Variants in GNB5 observed in about 807,000 individuals in gnomAD.
GNB5 encodes the protein guanine nucleotide-binding protein subunit beta-5.
A neutral mutation model predicts 55.3 loss-of-function variants in GNB5; 37 were observed. That is an observed-to-expected ratio of 0.67 (90% CI 0.51 to 0.88). The LOEUF is 0.88. GNB5 is among the 40% of genes least tolerant of loss of function. The probability of loss-of-function intolerance (pLI) is 0.00; values close to 1 mark genes in which losing one functional copy is unlikely to be tolerated. For synonymous variants in GNB5, 219 were observed against 198.5 expected (o/e 1.10, Z -0.87); for missense variants, 476 against 515.3 (o/e 0.92, Z 0.74).
At chr15:52,127,071 A>G (rs2033449513) in intron 10 of GNB5, among the ~76,000 whole-genome samples, 1 of 152,128 alleles carries the variant, frequency 6.6e-6, no homozygotes, top group South Asian at 2.1e-4. Context: ...TGCTGGGATT[A>G]CAGGCATGAA....
intron 6 of GNB5, among the ~76,000 whole-genome samples, chr15:52,145,487 A>T (rs1030336984): frequency 6.6e-6 from 1 of 150,914 alleles, no homozygotes; most frequent in African/African-American, 2.4e-5. Context: ...AAAAAAAAAA[A>T]TACAAAAATT....
In GNB5 at chr15:52,135,950, A is replaced by G. The variant is rs184652885; in HGVS notation, c.628-194T>C. On this transcript the variant is annotated intron_variant, in intron 7 of 12. Coordinates refer to ENST00000261837, the MANE Select transcript of GNB5 (RefSeq NM_016194.4). ...AAATCTCTCTCCTATACAAAGAAGG[A>G]AAGAGTGCATTTCCTACACCCTCAC... The G allele has an allele frequency of 1.4e-4, 76 of 553,564 alleles. 1 individual carries two copies. The East Asian group carries it at 2.6e-3, about 19-fold the overall frequency. 34.3% of individuals were successfully genotyped at this position (553,564 alleles called of 1,614,324 possible). A position where few individuals can be genotyped will look rare whatever the true frequency, so the allele number is the denominator to read the frequency against.
chr15:52,128,592 C>A, intron 9 of GNB5: 1 of 536,382 alleles, frequency 1.9e-6, no homozygotes. Context: ...AGCACAGACA[C>A]TGAATCAGAC....
chr15:52,138,286 G>A (rs185907474), intron 7 of GNB5: 162 of 246,536 alleles, frequency 6.6e-4, no homozygotes, highest in African/African-American at 3.6e-3. Flanking sequence ...GGAAGGCTGA[G>A]GCACTAGAAT....
intron 9 of GNB5, among the ~76,000 whole-genome samples, chr15:52,129,580 G>T (rs1423576746): frequency 6.6e-6 from 1 of 152,132 alleles, no homozygotes; most frequent in Non-Finnish European, 1.5e-5. Context: ...ATGTCAAAAT[G>T]ATTTCTAGAT....
At chr15:52,185,863 C>T (rs1428963483) in intron 1 of GNB5, among the ~76,000 whole-genome samples, 1 of 151,660 alleles carries the variant, frequency 6.6e-6, no homozygotes, top group African/African-American at 2.4e-5. Flanking sequence ...ACTGCAACCT[C>T]GTTCTCCTGG....
At chr15:52,153,471 G>C (rs192560138) in intron 4 of GNB5, among the ~76,000 whole-genome samples, 1 of 151,998 alleles carries the variant, frequency 6.6e-6, no homozygotes, top group Non-Finnish European at 1.5e-5. Context: ...TAATTTTTTG[G>C]AGGAATAGAT....
chr15:52,174,960 C>T (rs1185754595), intron 3 of GNB5, among the ~76,000 whole-genome samples: 1 of 152,088 alleles, frequency 6.6e-6, no homozygotes, highest in Non-Finnish European at 1.5e-5. Context: ...TGTGTGCCTG[C>T]TACTAGTGGG....
chr15:52,182,870 G>A (rs1348581632), intron 2 of GNB5, among the ~76,000 whole-genome samples: 1 of 152,174 alleles, frequency 6.6e-6, no homozygotes, highest in Non-Finnish European at 1.5e-5. Flanking sequence ...AGATTGTGTG[G>A]GCCGGGCGCA....
chr15:52,139,422 C>CTCCA (rs1472692252), intron 7 of GNB5, among the ~76,000 whole-genome samples: 1 of 152,166 alleles, frequency 6.6e-6, no homozygotes, highest in Non-Finnish European at 1.5e-5. Flanking sequence ...TGCCACTGTA[C>CTCCA]TCCAGCCTGG....
intron 3 of GNB5, among the ~76,000 whole-genome samples, chr15:52,168,572 C>T (rs2034494482): frequency 6.6e-6 from 1 of 152,092 alleles, no homozygotes; most frequent in Non-Finnish European, 1.5e-5. Context: ...AATGCGATTC[C>T]CATTAAACTA....
At chr15:52,161,725 C>G (rs2034338730) in intron 3 of GNB5, among the ~76,000 whole-genome samples, 1 of 152,232 alleles carries the variant, frequency 6.6e-6, no homozygotes, top group Non-Finnish European at 1.5e-5. Flanking sequence ...AAAGTTACAG[C>G]CAGAAGAGAC....
In GNB5 at chr15:52,135,629, T is replaced by C. The variant is rs551515707; in HGVS notation, c.755A>G (p.Asn252Ser). The C allele has an allele frequency of 2.0e-4, 324 of 1,613,700 alleles. 3 individuals carry two copies. The Middle Eastern group carries it at 7.4e-3, about 37-fold the overall frequency. The change falls in exon 8 of 13, where the codon AAC (asparagine) becomes AGC (serine). Residue 252 changes from asparagine to serine, a missense_variant. Physicochemically the swap from Asn to Ser is conservative, Grantham distance 46. Coordinates refer to ENST00000261837, the MANE Select transcript of GNB5 (RefSeq NM_016194.4). ...GGTCTTTACCCCAGACACGAAGGTG[T>C]TTCCAGTTTCTGAGGGGGCCAGGTC... ...CLDLAPSETGNTFVSGGCDKK... is the reference protein window; with the variant it reads ...CLDLAPSETGSTFVSGGCDKK...
At chr15:52,154,246 C>T (rs189870024) in intron 3 of GNB5, among the ~76,000 whole-genome samples, 170 bp from the exon 4 acceptor site, 150 of 152,340 alleles carry the variant, frequency 9.8e-4, no homozygotes, top group African/African-American at 3.6e-3. Context: ...TAGCAGCACT[C>T]CTTCTTTTAA....
intron 3 of GNB5, among the ~76,000 whole-genome samples, chr15:52,173,771 C>T (rs994843013): frequency 6.6e-6 from 1 of 152,162 alleles, no homozygotes; most frequent in Non-Finnish European, 1.5e-5. Context: ...ATCCCTTCAC[C>T]CCTCCCTGGA....
At chr15:52,156,998 G>T (rs12908833) in intron 3 of GNB5, among the ~76,000 whole-genome samples, 1 of 148,784 alleles carries the variant, frequency 6.7e-6, no homozygotes, top group Non-Finnish European at 1.5e-5. Context: ...TGCAGTGGCG[G>T]GATCTCGGCT....
intron 3 of GNB5, among the ~76,000 whole-genome samples, chr15:52,163,061 CA>C (rs1160245119): frequency 5.9e-5 from 9 of 152,202 alleles, no homozygotes; most frequent in African/African-American, 2.2e-4. Context: ...GGAGATGGCC[CA>C]CCCGGGGGGC....
chr15:52,178,531 T>C (rs1206551965), intron 3 of GNB5, among the ~76,000 whole-genome samples: 1 of 152,168 alleles, frequency 6.6e-6, no homozygotes, highest in African/African-American at 2.4e-5. Flanking sequence ...CCTGGGTCCC[T>C]TGGTGGGGGG....
At chr15:52,144,192 T>G (rs928096233) in intron 6 of GNB5, 3 of 152,246 alleles carry the variant, frequency 2.0e-5, no homozygotes, top group South Asian at 2.1e-4. Context: ...TGGGAATTCT[T>G]CCGCTGCATT....
Sources: gnomAD v4.1 joint callset for allele counts (sites outside exome capture counted in the v4.1 genomes callset) on GRCh38, gnomAD v4.1.1 for gene constraint, MANE v1.5 for transcripts, NCBI Gene and HGNC (gene_info 2026-07-23, HGNC 2026-07-21) for gene names.